The following CPN2 variants were observed in gnomAD, a reference collection of about 807,000 sequenced individuals.
CPN2 encodes carboxypeptidase N 83 kDa chain.
For synonymous variants in CPN2, 336 were observed against 318.4 expected (o/e 1.06, Z -0.59); for missense variants, 620 against 671.4 (o/e 0.92, Z 0.85).
intron 1 of CPN2, among the ~76,000 whole-genome samples, chr3:194,342,935 C>A (rs914167213): frequency 6.6e-6 from 1 of 152,126 alleles, no homozygotes; most frequent in Non-Finnish European, 1.5e-5. Flanking sequence ...CAAAAGGAGA[C>A]CATGGGCATT....
intron 1 of CPN2, among the ~76,000 whole-genome samples, chr3:194,345,430 G>C (rs926024717): frequency 6.6e-6 from 1 of 152,200 alleles, no homozygotes; most frequent in African/African-American, 2.4e-5. Flanking sequence ...GGGTGTAAGT[G>C]ATCCTCCTGC....
At position 194,341,996 on chromosome 3, in the gene CPN2, A is replaced by G; in HGVS notation, c.707T>C (p.Val236Ala). ...CTCTAGGCAGAAGAGCTGGGAGAACACCTGAGGGGGCAGCTCCGAGATGTT... is the reference window on the plus strand; with the variant it reads ...CTCTAGGCAGAAGAGCTGGGAGAACGCCTGAGGGGGCAGCTCCGAGATGTT... Reference protein sequence around the residue: ...SNNISELPPQVFSQLFCLERL... With the variant: ...SNNISELPPQAFSQLFCLERL... Residue 236 changes from valine (V) to alanine (A), a missense_variant, in exon 2 of 2, where the codon GTG (valine) becomes GCG (alanine). By Grantham distance (64) the Val-to-Ala change is moderately conservative. Transcript: ENST00000323830. 1 of 1,614,148 alleles carries G rather than the reference A, an allele frequency of 6.2e-7. No individual in the cohort carries two copies. The highest frequency in any genetic ancestry group is 1.1e-5 in the South Asian group (1 of 91,082).
chr3:194,346,171 T>G (rs1243529416), intron 1 of CPN2, among the ~76,000 whole-genome samples: 1 of 152,184 alleles, frequency 6.6e-6, no homozygotes, highest in Non-Finnish European at 1.5e-5. Flanking sequence ...CTACAGTGAC[T>G]GGCCCAAGGG....
chr3:194,342,547 T>C lies in CPN2; in HGVS notation c.156A>G (p.Lys52=), dbSNP rs748914809. The change falls in exon 2 of 2, where the codon AAA becomes AAG. Residue 52 remains lysine (K), a synonymous_variant. Coordinates refer to ENST00000323830, the MANE Select transcript of CPN2 (RefSeq NM_001080513.4). ...TVPLDIPPYT[K]NIIFVETSFT... is the part of the protein sequence containing the mutation. Reference sequence around the variant, plus strand: ...ACGAGGTCTCCACAAAGATGATGTTTTTCGTATATGGCGGGATGTCCAGTG... The same window carrying C: ...ACGAGGTCTCCACAAAGATGATGTTCTTCGTATATGGCGGGATGTCCAGTG... The C allele has an allele frequency of 3.1e-6, 5 of 1,613,976 alleles. No individual in the cohort carries two copies. The Admixed American group carries it at 5.0e-5, about 16-fold the overall frequency.
intron 1 of CPN2, among the ~76,000 whole-genome samples, chr3:194,347,821 TC>T (rs1713107792): frequency 5.8e-4 from 9 of 15,634 alleles, no homozygotes; most frequent in African/African-American, 2.4e-3. Context: ...GCCCACCCCA[TC>T]CTCTGCCCAG....
rs373535908 is a variant in CPN2 at position 194,341,383 on chromosome 3, C to T, written c.1320G>A (p.Glu440=). 187 of 1,614,026 alleles carry T rather than the reference C, an allele frequency of 1.2e-4. No individual in the cohort carries two copies. The highest frequency in any genetic ancestry group is 1.2e-4 in the Admixed American group (7 of 60,014). Residue 440 remains glutamate, a synonymous_variant, in exon 2 of 2, where the codon GAG becomes GAA. Coordinates refer to ENST00000323830, the MANE Select transcript of CPN2 (RefSeq NM_001080513.4). The stretch of plus-strand genomic sequence containing the variant: ...GGGTGACGGGACACACCAGCTGCTT[C>T]TCATTCAAGGCGGGCACCACCTGGC... ...LKGQVVPALN[E]KQLVCPVTRD... is the part of the protein sequence containing the mutation.
At chr3:194,345,609 G>C (rs1713015327) in intron 1 of CPN2, among the ~76,000 whole-genome samples, 1 of 152,236 alleles carries the variant, frequency 6.6e-6, no homozygotes, top group Non-Finnish European at 1.5e-5. Context: ...TGGAGTGATG[G>C]ACCAGACAAC....
intron 1 of CPN2, among the ~76,000 whole-genome samples, chr3:194,350,952 C>A (rs1371786952): frequency 6.6e-6 from 1 of 152,104 alleles, no homozygotes; most frequent in East Asian, 1.9e-4. Context: ...CAGAACCAGG[C>A]CAACCTGGAC....
At chr3:194,349,718 C>T (rs1713190450) in intron 1 of CPN2, among the ~76,000 whole-genome samples, 1 of 149,992 alleles carries the variant, frequency 6.7e-6, no homozygotes, top group African/African-American at 2.5e-5. Context: ...AATTTATACC[C>T]ACCCTCCCAG....
intron 1 of CPN2, among the ~76,000 whole-genome samples, chr3:194,345,571 C>T (rs536113259): frequency 6.6e-6 from 1 of 152,326 alleles, no homozygotes; most frequent in African/African-American, 2.4e-5. Flanking sequence ...CATTGTTTCT[C>T]AAAGGCTATT....
In CPN2 at chr3:194,340,978, C is replaced by G. The variant is rs187170290; in HGVS notation, c.*87G>C. ...GTCCCTTGCATGTGAAAAGCCAAGGCTTCGGAGACTCAGCTCCCCTCCGCC... is the reference window on the plus strand; with the variant it reads ...GTCCCTTGCATGTGAAAAGCCAAGGGTTCGGAGACTCAGCTCCCCTCCGCC... On this transcript the variant is annotated 3_prime_UTR_variant, in exon 2 of 2. Coordinates refer to ENST00000323830, the MANE Select transcript of CPN2 (RefSeq NM_001080513.4). 97 of 1,453,156 alleles carry G rather than the reference C, an allele frequency of 6.7e-5. 1 individual carries two copies. In the African/African-American group the frequency reaches 9.2e-4, roughly 14 times the overall value. The allele number at this position is 1,453,156 out of a possible 1,614,324, so 90.0% of individuals were successfully genotyped here.
intron 1 of CPN2, 133 bp from the exon 2 acceptor site, chr3:194,342,838 C>A (rs1174212296): frequency 3.5e-6 from 2 of 569,918 alleles, no homozygotes; most frequent in Non-Finnish European, 6.4e-6. Flanking sequence ...GCGGCAGGAC[C>A]AAGACCCAGG....
intron 1 of CPN2, among the ~76,000 whole-genome samples, chr3:194,349,256 G>A (rs1054711046): frequency 6.6e-6 from 1 of 152,190 alleles, no homozygotes; most frequent in African/African-American, 2.4e-5. Flanking sequence ...AGCTACTCGG[G>A]AGGCTGAGGC....
At chr3:194,344,308 C>A (rs1375687857) in intron 1 of CPN2, among the ~76,000 whole-genome samples, 1 of 152,234 alleles carries the variant, frequency 6.6e-6, no homozygotes, top group African/African-American at 2.4e-5. Flanking sequence ...TGCACACCTT[C>A]CTTTAGGCTG....
chr3:194,341,346 C>A lies in CPN2; in HGVS notation c.1357G>T (p.Gly453Cys). Residue 453 changes from glycine to cysteine, a missense_variant, in exon 2 of 2, where the codon GGC (glycine) becomes TGC (cysteine). Coordinates refer to ENST00000323830, the MANE Select transcript of CPN2 (RefSeq NM_001080513.4). ...TCGTCCGGCCACGTGACCTGGAAGCCCAAGTGGTCCCGGGTGACGGGACAC... is the reference window on the plus strand; with the variant it reads ...TCGTCCGGCCACGTGACCTGGAAGCACAAGTGGTCCCGGGTGACGGGACAC... Reference protein sequence around the residue: ...LVCPVTRDHLGFQVTWPDESK... With the variant: ...LVCPVTRDHLCFQVTWPDESK... 6.2e-7 allele frequency: 1 copy of A among 1,613,920 alleles called. No homozygotes were observed. Among genetic ancestry groups the A allele is most frequent in the Non-Finnish European group, 8.5e-7 (1 of 1,180,040 alleles).
intron 1 of CPN2, among the ~76,000 whole-genome samples, chr3:194,344,265 C>G (rs1232772280): frequency 1.3e-5 from 2 of 152,254 alleles, no homozygotes; most frequent in East Asian, 3.8e-4. Context: ...TCTGCCTCAT[C>G]ATTAGAGAAG....
Position 194,341,047 on chromosome 3 carries a change from C to A in CPN2, c.*18G>T. 6.4e-7 allele frequency: 1 copy of A among 1,570,474 alleles called. No individual in the cohort carries two copies. Among genetic ancestry groups the A allele is most frequent in the Admixed American group, 1.7e-5 (1 of 57,382 alleles). Reference sequence around the variant, plus strand: ...AGGCCCCAGAGGCCCCCTTCCCCAGCTCCTGTATGCGCTGCTACTAGGGCC... The same window carrying A: ...AGGCCCCAGAGGCCCCCTTCCCCAGATCCTGTATGCGCTGCTACTAGGGCC... On this transcript the variant is annotated 3_prime_UTR_variant, in exon 2 of 2. Transcript: ENST00000323830.
rs137937097 is a variant in CPN2, at chr3:194,341,946, T to C, written c.757A>G (p.Ile253Val). 275 of 1,613,982 alleles carry C rather than the reference T, an allele frequency of 1.7e-4. 1 individual carries two copies. In the African/African-American group the frequency reaches 3.1e-3, roughly 18 times the overall value. The part of the protein sequence containing the change: ...LERLWLQRNA[I>V]THLPLSIFAS... ...AAGATGGAGAGCGGCAGGTGCGTGATGGCGTTGCGTTGCAGCCACAGCCTC... is the reference window on the plus strand; with the variant it reads ...AAGATGGAGAGCGGCAGGTGCGTGACGGCGTTGCGTTGCAGCCACAGCCTC... The change falls in exon 2 of 2, where the codon ATC becomes GTC. Residue 253 changes from isoleucine to valine, a missense_variant. Ile to Val is a conservative substitution (Grantham distance 29). Transcript: ENST00000323830.
rs1712729058 is a variant in CPN2 at position 194,339,848 on chromosome 3, G to A, written c.*1217C>T. 6.6e-6 allele frequency: 1 copy of A among 152,266 alleles called. No homozygotes were observed. The highest frequency in any genetic ancestry group is 1.5e-5 in the Non-Finnish European group (1 of 68,058). The allele number at this position is 152,266 out of a possible 1,614,324, so 9.4% of individuals were successfully genotyped here. On this transcript the variant is annotated 3_prime_UTR_variant, in exon 2 of 2. Transcript: ENST00000323830. ...AGACCTCAGGAGGGCCTGGGAACAT[G>A]TGCCCAAGGTGGTCGAGGTACAGCT...
Sources: allele counts gnomAD v4.1 joint callset (sites outside exome capture counted in the v4.1 genomes callset), GRCh38; gene constraint gnomAD v4.1.1; transcripts MANE v1.5; gene names NCBI Gene and HGNC (gene_info 2026-07-23, HGNC 2026-07-21).